Variants in AUTS2 observed in about 807,000 individuals in gnomAD.
The protein encoded by AUTS2 is autism susceptibility gene 2 protein.
Under a neutral mutation model 112.4 loss-of-function variants are expected in AUTS2, and 17 were observed. The observed-to-expected ratio is 0.15, with a 90% CI of 0.10 to 0.23. The LOEUF (loss-of-function observed/expected upper bound fraction) is 0.23. Ranked by LOEUF, AUTS2 falls within the 10% of genes least tolerant of loss-of-function variation. The pLI, the probability that AUTS2 is intolerant of heterozygous loss-of-function variation, is 1.00. For missense variants in AUTS2, 1,510 were observed against 1,701.6 expected (o/e 0.89, Z 1.98); for synonymous variants, 751 against 702.7 (o/e 1.07, Z -1.09).
chr7:70,617,655 A>G (rs944891949), intron 5 of AUTS2, among the ~76,000 whole-genome samples: 4 of 129,202 alleles, frequency 3.1e-5, no homozygotes, highest in Admixed American at 3.0e-4. Context: ...AGAGCGAGAC[A>G]CTGTCTCAGA....
At chr7:70,698,926 ATTG>A (rs1809291517) in intron 6 of AUTS2, 1 of 235,744 alleles carries the variant, frequency 4.2e-6, no homozygotes, top group African/African-American at 2.2e-5. Context: ...CCTGAACTTT[ATTG>A]TTACTTATCA....
At chr7:69,860,936 A>G (rs1432397846) in intron 1 of AUTS2, among the ~76,000 whole-genome samples, 1 of 152,174 alleles carries the variant, frequency 6.6e-6, no homozygotes, top group Non-Finnish European at 1.5e-5. Context: ...TGATTTTATT[A>G]AATCAAAGAC....
In AUTS2 at chr7:70,296,273, A is replaced by G. The variant is rs535564148; in HGVS notation, c.661-139479A>G. On this transcript the variant is annotated intron_variant, in intron 4 of 18. Coordinates refer to ENST00000342771, the MANE Select transcript of AUTS2 (RefSeq NM_015570.4). ...GAATTGAAGAAAGCTGATGGGAACA[A>G]AGTCATTTTCAAGTTTACTTGAGCA... 2.6e-5 allele frequency among the ~76,000 whole-genome samples: 4 copies of G among 152,336 alleles called. No homozygotes were observed. In the East Asian group the frequency reaches 5.8e-4, roughly 22 times the overall value.
At chr7:70,338,229 G>T (rs1284263020) in intron 4 of AUTS2, among the ~76,000 whole-genome samples, 1 of 152,156 alleles carries the variant, frequency 6.6e-6, no homozygotes, top group Non-Finnish European at 1.5e-5. Context: ...TCAATGTTTT[G>T]ATTACTATAG....
chr7:69,745,505 T>C (rs1787451700), intron 1 of AUTS2, among the ~76,000 whole-genome samples: 1 of 152,224 alleles, frequency 6.6e-6, no homozygotes, highest in South Asian at 2.1e-4. Flanking sequence ...CAGCTTGCTT[T>C]CGTTGAAGTG....
chr7:69,854,949 G>A (rs923420710), intron 1 of AUTS2, among the ~76,000 whole-genome samples: 3 of 152,046 alleles, frequency 2.0e-5, no homozygotes, highest in African/African-American at 7.2e-5. Flanking sequence ...TTAATTTTGG[G>A]GAAGATATTG....
chr7:70,511,459 A>G (rs527580125), intron 5 of AUTS2, among the ~76,000 whole-genome samples: 34 of 150,678 alleles, frequency 2.3e-4, no homozygotes, highest in African/African-American at 7.8e-4. Context: ...CTAGGTAATC[A>G]CACATCCCAG....
chr7:70,510,994 A>G (rs1212032900), intron 5 of AUTS2, among the ~76,000 whole-genome samples: 1 of 151,976 alleles, frequency 6.6e-6, no homozygotes, highest in Non-Finnish European at 1.5e-5. Context: ...GATTACAGGC[A>G]CCCACCACCA....
At position 70,733,637 on chromosome 7, in the gene AUTS2, A is replaced by G. The variant is rs532109956; in HGVS notation, c.743-29233A>G. ...AGTCTCACTCTGTCACCCAGGCTAG[A>G]GTACAGTGGGGTGGTCTCGGCACAC... is the stretch of plus-strand genomic sequence containing the variant. On this transcript the variant is annotated intron_variant, in intron 6 of 18. Coordinates refer to ENST00000342771, the MANE Select transcript of AUTS2 (RefSeq NM_015570.4). 4.0e-5 allele frequency among the ~76,000 whole-genome samples: 6 copies of G among 149,116 alleles called. No individual in the cohort carries two copies. The East Asian group carries it at 1.0e-3, about 25-fold the overall frequency.
intron 2 of AUTS2, among the ~76,000 whole-genome samples, chr7:69,906,984 G>A (rs1239710342): frequency 6.6e-6 from 1 of 152,116 alleles, no homozygotes; most frequent in Non-Finnish European, 1.5e-5. Flanking sequence ...ACGCATGCCT[G>A]TTGTCCCAGT....
chr7:70,774,743 G>GA (rs1422529496), intron 12 of AUTS2: 9 of 152,446 alleles, frequency 5.9e-5, no homozygotes, highest in African/African-American at 1.9e-4. Context: ...TACGAAATAT[G>GA]AAAAAATCTT....
At chr7:69,996,010 G>A (rs1006497344) in intron 2 of AUTS2, among the ~76,000 whole-genome samples, 6 of 152,140 alleles carry the variant, frequency 3.9e-5, no homozygotes, top group Non-Finnish European at 5.9e-5. Context: ...ATAGAAGTCA[G>A]TTTTAATCTT....
At chr7:70,409,910 T>C (rs550747512) in intron 4 of AUTS2, among the ~76,000 whole-genome samples, 3 of 152,262 alleles carry the variant, frequency 2.0e-5, no homozygotes, top group South Asian at 4.1e-4. Context: ...CAAACTCTGA[T>C]GCAGGCAACT....
intron 1 of AUTS2, among the ~76,000 whole-genome samples, chr7:69,695,436 T>G (rs1797516627): frequency 6.6e-6 from 1 of 152,190 alleles, no homozygotes; most frequent in Non-Finnish European, 1.5e-5. Flanking sequence ...ATTGTGTTAT[T>G]CAGCTTAATA....
chr7:69,882,742 AG>A (rs1794110345), intron 1 of AUTS2, among the ~76,000 whole-genome samples: 1 of 152,240 alleles, frequency 6.6e-6, no homozygotes, highest in East Asian at 1.9e-4. Context: ...AGGGTATTGT[AG>A]TAATTAAATG....
rs1237940671 is a variant in AUTS2 at position 70,785,877 on chromosome 7, G to A, written c.2225-78G>A. ...GTAGAGAGGGCAGGGATCCCGCATC[G>A]CCCTGCTCCCAGGAAGCTCTGGGTT... On this transcript the variant is annotated intron_variant, in intron 16 of 18. Transcript: ENST00000342771. The A allele has an allele frequency of 8.0e-6, 11 of 1,374,952 alleles. No homozygotes were observed. In the African/African-American group the frequency reaches 8.6e-5, roughly 11 times the overall value. The allele number at this position is 1,374,952 out of a possible 1,614,324, so 85.2% of individuals were successfully genotyped here. A position where few individuals can be genotyped will look rare whatever the true frequency, so the allele number is the denominator to read the frequency against.
At chr7:70,019,134 C>T (rs1371239462) in intron 2 of AUTS2, among the ~76,000 whole-genome samples, 1 of 152,144 alleles carries the variant, frequency 6.6e-6, no homozygotes, top group Non-Finnish European at 1.5e-5. Flanking sequence ...GAGCTGTAGG[C>T]TATTATCCTT....
chr7:69,800,830 G>A (rs1790050642), intron 1 of AUTS2, among the ~76,000 whole-genome samples: 1 of 152,114 alleles, frequency 6.6e-6, no homozygotes, highest in African/African-American at 2.4e-5. Flanking sequence ...GAAGAGGGCT[G>A]TGTTTTTCTT....
chr7:70,311,545 TTTTTG>T (rs750371540), intron 4 of AUTS2, among the ~76,000 whole-genome samples: 23 of 152,140 alleles, frequency 1.5e-4, no homozygotes, highest in South Asian at 4.1e-4. Context: ...TTGTTGTTGT[TTTTTG>T]TTTTGTTTTG....
Sources: allele counts gnomAD v4.1 joint callset (sites outside exome capture counted in the v4.1 genomes callset), GRCh38; gene constraint gnomAD v4.1.1; transcripts MANE v1.5; gene names NCBI Gene and HGNC (gene_info 2026-07-23, HGNC 2026-07-21).